Variants in ZSWIM6 observed in about 807,000 individuals in gnomAD.
ZSWIM6 encodes zinc finger SWIM domain-containing protein 6.
A neutral mutation model predicts 113.2 loss-of-function variants in ZSWIM6; 9 were observed. The ratio of observed to expected loss-of-function variants is 0.08; its 90% CI spans 0.05 to 0.14. The LOEUF is 0.14. Ranked by LOEUF, ZSWIM6 falls within the 10% of genes least tolerant of loss-of-function variation. The pLI is 1.00. For synonymous variants in ZSWIM6, 611 were observed against 606.5 expected (o/e 1.01, Z -0.11); for missense variants, 1,162 against 1,552.2 (o/e 0.75, Z 4.22).
chr5:61,460,966 G>A (rs182516723), intron 1 of ZSWIM6, among the ~76,000 whole-genome samples: 1 of 151,792 alleles, frequency 6.6e-6, no homozygotes, highest in East Asian at 1.9e-4. Flanking sequence ...TGGAAATTTT[G>A]CCAGCTGTAT....
rs1467333592 is a variant in ZSWIM6, at chr5:61,543,378, G to A, written c.2786-77G>A. The A allele has an allele frequency of 2.7e-6, 4 of 1,460,274 alleles. No individual in the cohort carries two copies. Among genetic ancestry groups the A allele is most frequent in the South Asian group, 1.4e-5 (1 of 72,840 alleles). 90.5% of individuals were successfully genotyped at this position (1,460,274 alleles called of 1,614,324 possible). A position where few individuals can be genotyped will look rare whatever the true frequency, so the allele number is the denominator to read the frequency against. On this transcript the variant is annotated intron_variant, in intron 13 of 13. Transcript: ENST00000252744. The surrounding 1 kb of genome is among the most constrained non-coding windows in gnomAD (Gnocchi z 4.3). ...ATGATGGTTAACAATGTAAACACTGGTTGTAAAAGTCAAAATAAGGCAGGA... is the reference window on the plus strand; with the variant it reads ...ATGATGGTTAACAATGTAAACACTGATTGTAAAAGTCAAAATAAGGCAGGA...
At chr5:61,461,659 G>A (rs901556856) in intron 1 of ZSWIM6, among the ~76,000 whole-genome samples, 10 of 152,130 alleles carry the variant, frequency 6.6e-5, no homozygotes, top group African/African-American at 2.4e-4. Flanking sequence ...GTTATTACCA[G>A]GCTCTCAGAA....
intron 1 of ZSWIM6, among the ~76,000 whole-genome samples, chr5:61,390,486 C>G (rs1745684525): frequency 6.6e-6 from 1 of 152,138 alleles, no homozygotes; most frequent in South Asian, 2.1e-4. Context: ...TGTAAGTTCT[C>G]ATTTGCTTGT....
In ZSWIM6 at chr5:61,545,687, G is replaced by GA. The variant is rs1749869991; in HGVS notation, c.*1373dup. On this transcript the variant is annotated 3_prime_UTR_variant, in exon 14 of 14. Transcript: ENST00000252744. ...TTTTTAATATATTTTATTTTCTCTA[G>GA]AAATTACTCAAACAAAAGCAGCCTT... is the stretch of plus-strand genomic sequence containing the variant. 5.3e-5 allele frequency: 8 copies of GA among 151,796 alleles called. No homozygotes were observed. The South Asian group carries it at 1.7e-3, about 32-fold the overall frequency. 9.4% of individuals were successfully genotyped at this position (151,796 alleles called of 1,614,324 possible).
Position 61,543,070 on chromosome 5 carries a change from A to G in ZSWIM6, c.2786-385A>G, listed in dbSNP as rs1203486171. ...GTGTACTTTTACCTTACACACAAGC[A>G]CATAAGCCATGTAAAGTCCCTGTTT... On this transcript the variant is annotated intron_variant, in intron 13 of 13. Transcript: ENST00000252744. The surrounding 1 kb of genome is among the most constrained non-coding windows in gnomAD (Gnocchi z 4.3). Among the ~76,000 whole-genome samples the G allele has an allele frequency of 2.0e-5, 3 of 152,224 alleles. No homozygotes were observed. The highest frequency in any genetic ancestry group is 4.4e-5 in the Non-Finnish European group (3 of 68,040).
intron 1 of ZSWIM6, among the ~76,000 whole-genome samples, chr5:61,412,220 C>A (rs1746162157): frequency 1.3e-5 from 2 of 152,186 alleles, no homozygotes; most frequent in African/African-American, 4.8e-5. Flanking sequence ...AAAAACTTCA[C>A]AGGAGAAAGT....
chr5:61,334,832 G>A (rs1200122930), intron 1 of ZSWIM6, among the ~76,000 whole-genome samples: 1 of 151,022 alleles, frequency 6.6e-6, no homozygotes, highest in Non-Finnish European at 1.5e-5. Flanking sequence ...CACATCTATG[G>A]CTTCTCAGTA....
intron 1 of ZSWIM6, among the ~76,000 whole-genome samples, chr5:61,421,386 T>C (rs1382312558): frequency 6.6e-6 from 1 of 152,240 alleles, no homozygotes; most frequent in Non-Finnish European, 1.5e-5. Context: ...CCTGGCTTAT[T>C]TCACTTAACA....
intron 1 of ZSWIM6, among the ~76,000 whole-genome samples, chr5:61,350,265 G>A (rs1053771108): frequency 6.6e-6 from 1 of 152,138 alleles, no homozygotes. Context: ...TAAAGTCTAT[G>A]GTTACCCTAG....
At chr5:61,491,229 A>G (rs1184245371) in intron 3 of ZSWIM6, among the ~76,000 whole-genome samples, 1 of 152,054 alleles carries the variant, frequency 6.6e-6, no homozygotes, top group East Asian at 1.9e-4. Context: ...GTGTTATTCA[A>G]AATGCCATTT....
intron 1 of ZSWIM6, among the ~76,000 whole-genome samples, chr5:61,467,989 C>T (rs1009748218): frequency 1.3e-5 from 2 of 152,070 alleles, no homozygotes; most frequent in African/African-American, 4.8e-5. Context: ...GTGTCCACAC[C>T]CCTCCCCTGT....
intron 10 of ZSWIM6, 67 bp from the exon 11 acceptor site, chr5:61,538,747 A>C (rs957820973): frequency 2.7e-6 from 4 of 1,491,236 alleles, no homozygotes; most frequent in Non-Finnish European, 2.7e-6. Context: ...TCTGTTGGCC[A>C]GTCTTTCTGG....
At chr5:61,526,192 C>CT in intron 6 of ZSWIM6, 58 bp from the exon 7 acceptor site, 5 of 1,496,162 alleles carry the variant, frequency 3.3e-6, no homozygotes, top group Non-Finnish European at 4.5e-6. Flanking sequence ...CTATTAAATT[C>CT]TTTTTTTATG....
rs1161891703 is a variant in ZSWIM6, at chr5:61,332,457, C to G, written c.185C>G (p.Ala62Gly). The G allele has an allele frequency of 2.3e-5, 25 of 1,077,464 alleles. No individual in the cohort carries two copies. The highest frequency in any genetic ancestry group is 2.7e-5 in the Non-Finnish European group (24 of 881,686). 66.7% of individuals were successfully genotyped at this position (1,077,464 alleles called of 1,614,324 possible). A position where few individuals can be genotyped will look rare whatever the true frequency, so the allele number is the denominator to read the frequency against. The change falls in exon 1 of 14, where the codon GCG becomes GGG. Residue 62 changes from alanine to glycine, a missense_variant. Physicochemically the swap from Ala to Gly is moderately conservative, Grantham distance 60. Transcript: ENST00000252744. Reference protein sequence around the residue: ...AAAAACGGGAALGLLPPGKTQ... With the variant: ...AAAAACGGGAGLGLLPPGKTQ... The stretch of plus-strand genomic sequence containing the variant: ...GCGGCGGCGTGCGGGGGCGGCGCGG[C>G]GCTGGGGTTGCTGCCGCCGGGCAAG...
intron 4 of ZSWIM6, among the ~76,000 whole-genome samples, chr5:61,517,935 T>TACCTCCC (rs1554039870): frequency 1.3e-5 from 1 of 76,584 alleles, no homozygotes; most frequent in Non-Finnish European, 2.4e-5. Flanking sequence ...CCAAATGCTA[T>TACCTCCC]CCCTCCCCCC....
intron 1 of ZSWIM6, among the ~76,000 whole-genome samples, chr5:61,449,688 C>G (rs1268798741): frequency 6.6e-6 from 1 of 152,026 alleles, no homozygotes; most frequent in African/African-American, 2.4e-5. Flanking sequence ...AGTCACATGC[C>G]CGGCAAAACT....
intron 1 of ZSWIM6, among the ~76,000 whole-genome samples, chr5:61,440,121 GA>G (rs572577372): frequency 3.3e-4 from 49 of 149,652 alleles, no homozygotes; most frequent in South Asian, 8.4e-4. Context: ...TAGGAAAGGT[GA>G]AAAAAAAAGC....
At chr5:61,419,310 T>C (rs1455103353) in intron 1 of ZSWIM6, among the ~76,000 whole-genome samples, 1 of 152,252 alleles carries the variant, frequency 6.6e-6, no homozygotes, top group Non-Finnish European at 1.5e-5. Context: ...AAGATAATTC[T>C]ACCATTATCT....
intron 1 of ZSWIM6, among the ~76,000 whole-genome samples, chr5:61,418,311 A>C (rs1476885621): frequency 6.6e-6 from 1 of 152,174 alleles, no homozygotes; most frequent in Non-Finnish European, 1.5e-5. Flanking sequence ...TCTGTCGCCC[A>C]GGCTGGAGTG....
Sources: allele counts gnomAD v4.1 joint callset (sites outside exome capture counted in the v4.1 genomes callset), GRCh38; gene constraint gnomAD v4.1.1; non-coding constraint Gnocchi (gnomAD v3.1); transcripts MANE v1.5; gene names NCBI Gene and HGNC (gene_info 2026-07-23, HGNC 2026-07-21).